VTI1A: variants seen among roughly 807,000 people sequenced by gnomAD.
The protein encoded by VTI1A is vesicle transport through interaction with t-SNAREs homolog 1A.
VTI1A carries 22 observed loss-of-function variants against 34.9 expected under a neutral mutation model. That is an observed-to-expected ratio of 0.63 (90% CI 0.45 to 0.90). The LOEUF (loss-of-function observed/expected upper bound fraction) is 0.90. Ranked by LOEUF, VTI1A falls within the 40% of genes least tolerant of loss-of-function variation. The pLI, the probability that VTI1A is intolerant of heterozygous loss-of-function variation, is 0.00. For synonymous variants in VTI1A, 87 were observed against 97.3 expected, an observed-to-expected ratio of 0.89 and a Z score of 0.62; for missense variants, 268 against 275.6, an observed-to-expected ratio of 0.97 and a Z score of 0.20.
intron 3 of VTI1A, among the ~76,000 whole-genome samples, chr10:112,468,618 C>T (rs1268833331): frequency 6.6e-6 from 1 of 152,070 alleles, no homozygotes; most frequent in Non-Finnish European, 1.5e-5. Context: ...TTTCCCCAGC[C>T]GTTCCTTCTC....
At chr10:112,778,540 C>CT in intron 7 of VTI1A, among the ~76,000 whole-genome samples, 1 of 152,170 alleles carries the variant, frequency 6.6e-6, no homozygotes, top group Admixed American at 6.5e-5. Context: ...GGACAAAGAG[C>CT]TTTTCCTGTT....
At chr10:112,568,183 G>A (rs143280946) in intron 5 of VTI1A, among the ~76,000 whole-genome samples, 1 of 152,038 alleles carries the variant, frequency 6.6e-6, no homozygotes, top group East Asian at 1.9e-4. Context: ...TGTGGTCTCA[G>A]AAGCACCAAA....
At chr10:112,736,667 T>A in intron 7 of VTI1A, 1 of 1,550,324 alleles carries the variant, frequency 6.5e-7, no homozygotes. Flanking sequence ...CTAGTGCATT[T>A]AGCAATGAGG....
intron 5 of VTI1A, among the ~76,000 whole-genome samples, chr10:112,605,531 G>T (rs1437079962): frequency 6.6e-6 from 1 of 152,144 alleles, no homozygotes; most frequent in African/African-American, 2.4e-5. Context: ...AGACAGCTCT[G>T]TGCACACTGG....
intron 3 of VTI1A, among the ~76,000 whole-genome samples, chr10:112,510,674 T>C (rs1849577694): frequency 6.6e-6 from 1 of 152,244 alleles, no homozygotes; most frequent in East Asian, 1.9e-4. Flanking sequence ...AAAACAATTA[T>C]AGTTAAACGA....
At chr10:112,768,831 A>G (rs1590168057) in intron 7 of VTI1A, among the ~76,000 whole-genome samples, 1 of 152,296 alleles carries the variant, frequency 6.6e-6, no homozygotes, top group East Asian at 1.9e-4. Flanking sequence ...CATGTCTGCA[A>G]CTGACTCAAA....
intron 4 of VTI1A, among the ~76,000 whole-genome samples, chr10:112,532,861 T>C (rs1329116025): frequency 6.6e-6 from 1 of 152,046 alleles, no homozygotes; most frequent in Admixed American, 6.5e-5. Context: ...AAAATAAAAA[T>C]GTAGAAATTG....
chr10:112,587,521 C>T (rs1431604536), intron 5 of VTI1A, among the ~76,000 whole-genome samples: 1 of 152,066 alleles, frequency 6.6e-6, no homozygotes, highest in African/African-American at 2.4e-5. Context: ...AGATAATAAA[C>T]TTTGATGAAG....
At chr10:112,818,747 ATTTG>A (rs1387388013), downstream of VTI1A, 2 of 191,398 alleles carry the variant, frequency 1.0e-5, no homozygotes, top group African/African-American at 4.7e-5. Flanking sequence ...AGGGCTAATG[ATTTG>A]TTTATCGCTT....
intron 5 of VTI1A, among the ~76,000 whole-genome samples, chr10:112,547,312 C>T (rs866607397): frequency 6.6e-6 from 1 of 151,816 alleles, no homozygotes; most frequent in South Asian, 2.1e-4. Flanking sequence ...CGTGGTGGCT[C>T]ATGCCTGTAA....
intron 2 of VTI1A, among the ~76,000 whole-genome samples, chr10:112,463,443 A>G (rs1847796141): frequency 6.6e-6 from 1 of 152,202 alleles, no homozygotes; most frequent in East Asian, 1.9e-4. Context: ...TAAGTGAGAA[A>G]ACTAAGGCAC....
chr10:112,652,726 C>CAAAAA (rs779424975), intron 5 of VTI1A, among the ~76,000 whole-genome samples: 4 of 106,416 alleles, frequency 3.8e-5, no homozygotes, highest in East Asian at 3.0e-4. Context: ...GACCTTGTCT[C>CAAAAA]AAAAAAAAAA....
chr10:112,527,373 A>G (rs1850271597), intron 4 of VTI1A: 1 of 392,808 alleles, frequency 2.5e-6, no homozygotes, highest in Non-Finnish European at 4.5e-6. Context: ...ACTGTCTGCT[A>G]TCTTTTAAAA....
At chr10:112,688,607 C>T (rs534005520) in intron 7 of VTI1A, among the ~76,000 whole-genome samples, 28 of 150,706 alleles carry the variant, frequency 1.9e-4, no homozygotes, top group Admixed American at 3.3e-4. Context: ...CTGCAACCTC[C>T]GCCTCCTAGG....
rs74729584 is a variant in VTI1A, at chr10:112,752,397, C to T, written c.561-62893C>T. On this transcript the variant is annotated intron_variant, in intron 7 of 7. Transcript: ENST00000393077. ...CATTATCGACTAGTCTGAAGCAGAG[C>T]TGATATCTCTTTACCGGGGAGTCAG... 4,621 of 985,386 alleles carry T rather than the reference C, an allele frequency of 4.7e-3. 172 individuals carry two copies. In the African/African-American group the frequency reaches 0.073, roughly 16 times the overall value. The allele number at this position is 985,386 out of a possible 1,614,324, so 61.0% of individuals were successfully genotyped here. A position where few individuals can be genotyped will look rare whatever the true frequency, so the allele number is the denominator to read the frequency against.
At chr10:112,553,965 C>A (rs73365072) in intron 5 of VTI1A, among the ~76,000 whole-genome samples, 1 of 152,202 alleles carries the variant, frequency 6.6e-6, no homozygotes, top group African/African-American at 2.4e-5. Flanking sequence ...ATTAACAGTA[C>A]AATGGGCAGA....
At chr10:112,813,619 G>A (rs1057255404) in intron 7 of VTI1A, among the ~76,000 whole-genome samples, 2 of 152,190 alleles carry the variant, frequency 1.3e-5, no homozygotes, top group Non-Finnish European at 2.9e-5. Context: ...AAGTAGCACC[G>A]ATCAGTGTTG....
chr10:112,583,845 A>G (rs1375321944), intron 5 of VTI1A, among the ~76,000 whole-genome samples: 1 of 152,184 alleles, frequency 6.6e-6, no homozygotes, highest in Non-Finnish European at 1.5e-5. Context: ...AAAGTACAAA[A>G]ATGGTACAGG....
At chr10:112,472,737 A>G (rs1341719218) in intron 3 of VTI1A, among the ~76,000 whole-genome samples, 2 of 152,078 alleles carry the variant, frequency 1.3e-5, no homozygotes, top group South Asian at 2.1e-4. Flanking sequence ...AGAGGTTTGG[A>G]TAGTCTCAGT....
Sources: allele counts gnomAD v4.1 joint callset (sites outside exome capture counted in the v4.1 genomes callset), GRCh38; gene constraint gnomAD v4.1.1; transcripts MANE v1.5; gene names NCBI Gene and HGNC (gene_info 2026-07-23, HGNC 2026-07-21).